The following SLC5A10 variants were observed in gnomAD, a reference collection of about 807,000 sequenced individuals.
SLC5A10 encodes solute carrier family 5 member 10, also known as sodium/mannose cotransporter SLC5A10.
Under a neutral mutation model 68.9 loss-of-function variants are expected in SLC5A10, and 55 were observed. That is an observed-to-expected ratio of 0.80 (90% CI 0.64 to 1.00). The LOEUF is 1.00. SLC5A10 is among the 50% of genes least tolerant of loss of function. The pLI is 0.00. For synonymous variants in SLC5A10, 344 were observed against 344.8 expected (o/e 1.00, Z 0.02); for missense variants, 732 against 819.3 (o/e 0.89, Z 1.30).
At chr17:19,020,112 G>GCC in intron 13 of SLC5A10, 43 bp from the exon 14 acceptor site, 10 of 551,498 alleles carry the variant, frequency 1.8e-5, no homozygotes, top group African/African-American at 3.3e-5. Flanking sequence ...CCCCCACCCT[G>GCC]CCATCCCCCA....
At position 19,015,197 on chromosome 17, in the gene SLC5A10, A is replaced by ACGGTACTGGGGTGGGGGC; in HGVS notation, c.1241+4_1241+5insTGGGGTGGGGGCCGGTAC. 1 of 907,516 alleles carries ACGGTACTGGGGTGGGGGC rather than the reference A, an allele frequency of 1.1e-6. No individual in the cohort carries two copies. The highest frequency in any genetic ancestry group is 1.7e-6 in the Non-Finnish European group (1 of 594,040). 56.2% of individuals were successfully genotyped at this position (907,516 alleles called of 1,614,324 possible). A position where few individuals can be genotyped will look rare whatever the true frequency, so the allele number is the denominator to read the frequency against. On this transcript the variant is annotated inframe_insertion and splice_region_variant, in exon 11 of 15. Transcript: ENST00000395645. ...GCGAGCGGGAGCTCCTGCTGGTGGG[A>ACGGTACTGGGGTGGGGGC]CGGTACGGGGGTGGGGGCCAGTACG... is the stretch of plus-strand genomic sequence containing the variant.
intron 5 of SLC5A10, among the ~76,000 whole-genome samples, chr17:18,960,937 T>A (rs2042602129): frequency 6.6e-6 from 1 of 152,118 alleles, no homozygotes; most frequent in South Asian, 2.1e-4. Flanking sequence ...GTTAGGACGG[T>A]TCTCGGTCTG....
rs1482182123 is a variant in SLC5A10, at chr17:19,012,144, T to C, written c.983-1266T>C. Among the ~76,000 whole-genome samples the C allele has an allele frequency of 3.9e-5, 6 of 152,144 alleles. No homozygotes were observed. In the East Asian group the frequency reaches 1.2e-3, roughly 29 times the overall value. On this transcript the variant is annotated intron_variant, in intron 9 of 14. Transcript: ENST00000395645. ...GCAGGGGCCAAAGCTTTCTAGAAAG[T>C]CTTTTATGGGAGGAAAAAGAGAATG... is the stretch of plus-strand genomic sequence containing the variant.
intron 5 of SLC5A10, among the ~76,000 whole-genome samples, chr17:18,967,387 T>C (rs2042732994): frequency 6.6e-6 from 1 of 151,848 alleles, no homozygotes; most frequent in Admixed American, 6.6e-5. Context: ...GAATGAACAA[T>C]GTACTCGAGG....
At chr17:18,966,255 G>A (rs1393360221) in intron 5 of SLC5A10, among the ~76,000 whole-genome samples, 2 of 152,282 alleles carry the variant, frequency 1.3e-5, no homozygotes, top group East Asian at 3.9e-4. Flanking sequence ...GCCTGGATCA[G>A]GCTGCTGAGC....
intron 9 of SLC5A10, among the ~76,000 whole-genome samples, chr17:19,005,592 C>T (rs1166548429): frequency 6.6e-6 from 1 of 152,116 alleles, no homozygotes. Flanking sequence ...GGTTTGGGTC[C>T]CGTAAGGATG....
At chr17:18,957,950 TG>T (rs1364731450) in intron 1 of SLC5A10, among the ~76,000 whole-genome samples, 1 of 152,244 alleles carries the variant, frequency 6.6e-6, no homozygotes, top group Non-Finnish European at 1.5e-5. Flanking sequence ...TTGCCTGTTC[TG>T]GACTTTTCAT....
At chr17:18,969,004 T>C in intron 5 of SLC5A10, 48 bp from the exon 6 acceptor site, 1 of 1,562,862 alleles carries the variant, frequency 6.4e-7, no homozygotes, top group African/African-American at 1.3e-5. Context: ...AGTGGCTTGC[T>C]GGAGCCCTGG....
rs1228827162 is a variant in SLC5A10, at chr17:18,976,867, G to C, written c.860G>C (p.Arg287Pro). Reference protein sequence around the residue: ...YWCTDQVIVQRSLSARDLNHA... With the variant: ...YWCTDQVIVQPSLSARDLNHA... ...CTCCACCCCCAGGTCATCGTGCAGC[G>C]ATCACTGTCAGCCCGGGACCTGAAC... Residue 287 changes from arginine (R) to proline (P), a missense_variant, in exon 9 of 15, where the codon CGA becomes CCA. Physicochemically the swap from Arg to Pro is moderately radical, Grantham distance 103 (BLOSUM62 -2). Transcript: ENST00000395645. 1 of 1,613,374 alleles carries C rather than the reference G, an allele frequency of 6.2e-7. No individual in the cohort carries two copies.
chr17:18,965,234 C>G (rs573886329), intron 5 of SLC5A10, among the ~76,000 whole-genome samples: 1 of 151,946 alleles, frequency 6.6e-6, no homozygotes, highest in African/African-American at 2.4e-5. Flanking sequence ...GTTTTGGAGA[C>G]GGAATCCATA....
Position 19,019,443 on chromosome 17 carries a change from T to C in SLC5A10, c.1262T>C (p.Ile421Thr). ...TGCAGGCTGGTCATAGTGGCACTCA[T>C]CGGCGTGAGTGTGGCCTGGATCCCC... ...LVGRLVIVAL[I>T]GVSVAWIPVL... Residue 421 changes from isoleucine (I) to threonine (T), a missense_variant, in exon 12 of 15, where the codon ATC (isoleucine) becomes ACC (threonine). By Grantham distance (89) the Ile-to-Thr change is moderately conservative. Coordinates refer to ENST00000395645, the MANE Select transcript of SLC5A10 (RefSeq NM_001042450.4). 1 of 1,611,180 alleles carries C rather than the reference T, an allele frequency of 6.2e-7. No individual in the cohort carries two copies. Among genetic ancestry groups the C allele is most frequent in the Non-Finnish European group, 8.5e-7 (1 of 1,179,858 alleles).
At chr17:18,959,921 C>T (rs886511898) in intron 4 of SLC5A10, among the ~76,000 whole-genome samples, 2 of 152,144 alleles carry the variant, frequency 1.3e-5, no homozygotes, top group Non-Finnish European at 2.9e-5. Flanking sequence ...CTGAGTGCTG[C>T]ATCTCAGGAA....
intron 10 of SLC5A10, among the ~76,000 whole-genome samples, chr17:19,014,050 T>A (rs1170659576): frequency 6.6e-6 from 1 of 152,184 alleles, no homozygotes; most frequent in African/African-American, 2.4e-5. Context: ...CAGAGACACC[T>A]GGAAGTCACA....
rs755532732 is a variant in SLC5A10 at position 18,978,465 on chromosome 17, G to A, written c.982+1476G>A. The A allele has an allele frequency of 6.2e-6, 10 of 1,610,058 alleles. No individual in the cohort carries two copies. The highest frequency in any genetic ancestry group is 8.5e-6 in the Non-Finnish European group (10 of 1,178,390). On this transcript the variant is annotated intron_variant, in intron 9 of 14. Coordinates refer to ENST00000395645, the MANE Select transcript of SLC5A10 (RefSeq NM_001042450.4). ...TCAAACATGTTGGCCCTCTCCAGGT[G>A]AAGCAGTCCTGGGTGGATGGGTGGC...
Position 18,971,682 on chromosome 17 carries a change from G to A in SLC5A10, c.846+464G>A, listed in dbSNP as rs545186430. ...TCAGCAGCAGAGCGGTACCTAGGGG[G>A]TCCTGGGAAGCCGTCTTTATCCCTA... On this transcript the variant is annotated intron_variant, in intron 8 of 14. Coordinates refer to ENST00000395645, the MANE Select transcript of SLC5A10 (RefSeq NM_001042450.4). The surrounding 1 kb of genome is among the most constrained non-coding windows in gnomAD (Gnocchi z 5.5). The A allele has an allele frequency of 1.9e-6, 3 of 1,609,376 alleles. No homozygotes were observed. Among genetic ancestry groups the A allele is most frequent in the African/African-American group, 2.7e-5 (2 of 74,922 alleles).
intron 9 of SLC5A10, chr17:18,988,141 C>G: frequency 6.7e-7 from 1 of 1,488,602 alleles, no homozygotes; most frequent in Non-Finnish European, 9.0e-7. Context: ...ACTCTGAGTG[C>G]CTGGCACAGG....
chr17:18,958,593 C>T, intron 1 of SLC5A10, 89 bp from the exon 2 acceptor site: 1 of 1,136,944 alleles, frequency 8.8e-7, no homozygotes, highest in Non-Finnish European at 1.3e-6. Flanking sequence ...TATGCGTAAC[C>T]TTTTGAGGAG....
At chr17:18,980,703 T>C (rs1486154993) in intron 9 of SLC5A10, among the ~76,000 whole-genome samples, 1 of 152,046 alleles carries the variant, frequency 6.6e-6, no homozygotes, top group South Asian at 2.1e-4. Flanking sequence ...GGAACCCAAG[T>C]GTCGAGGATG....
chr17:19,013,159 G>T (rs934949456), intron 9 of SLC5A10, among the ~76,000 whole-genome samples: 3 of 152,236 alleles, frequency 2.0e-5, no homozygotes, highest in African/African-American at 7.2e-5. Flanking sequence ...GCCAACGGCA[G>T]GTGAGCCCCC....
Sources: allele counts gnomAD v4.1 joint callset (sites outside exome capture counted in the v4.1 genomes callset), GRCh38; gene constraint gnomAD v4.1.1; non-coding constraint Gnocchi (gnomAD v3.1); transcripts MANE v1.5; gene names NCBI Gene and HGNC (gene_info 2026-07-23, HGNC 2026-07-21).